The following GARNL3 variants were observed in gnomAD, a reference collection of about 807,000 sequenced individuals.
The protein encoded by GARNL3 is GTPase-activating Rap/Ran-GAP domain-like protein 3.
GARNL3 carries 63 observed loss-of-function variants against 125.0 expected under a neutral mutation model. That is an observed-to-expected ratio of 0.50 (90% CI 0.41 to 0.62). The LOEUF (loss-of-function observed/expected upper bound fraction) is 0.62, where lower values mean the gene tolerates loss of function less well. Among genes scored for constraint, GARNL3 ranks in the 20% least tolerant of loss-of-function variants. GARNL3 has a pLI of 0.00. For missense variants in GARNL3, 994 were observed against 1,244.0 expected, an observed-to-expected ratio of 0.80 and a Z score of 3.02; for synonymous variants, 439 against 457.5, an observed-to-expected ratio of 0.96 and a Z score of 0.52.
intron 2 of GARNL3, among the ~76,000 whole-genome samples, chr9:127,306,536 G>C (rs1352423051): frequency 1.3e-5 from 2 of 151,728 alleles, no homozygotes; most frequent in African/African-American, 4.8e-5. Flanking sequence ...GACCATCCTG[G>C]CTAACACGGT....
Position 127,336,245 on chromosome 9 carries a change from G to A in GARNL3, c.982+9G>A, listed in dbSNP as rs965911187. The A allele has an allele frequency of 9.4e-6, 15 of 1,597,822 alleles. No individual in the cohort carries two copies. Among genetic ancestry groups the A allele is most frequent in the Non-Finnish European group, 1.3e-5 (15 of 1,166,180 alleles). On this transcript the variant is annotated intron_variant, in intron 11 of 27. Coordinates refer to ENST00000373387, the MANE Select transcript of GARNL3 (RefSeq NM_032293.5). ...CCGCTCCCACTTTACACGTATCCTG[G>A]GCCTTTGTAAATGCTCCAGTGTGGC... is the stretch of plus-strand genomic sequence containing the variant.
chr9:127,358,522 GCT>G (rs145506464), intron 21 of GARNL3, among the ~76,000 whole-genome samples: 3,915 of 152,310 alleles, frequency 0.026, 150 homozygotes, highest in East Asian at 0.16. Context: ...TTGTAAATAT[GCT>G]CTGTATAAAT....
upstream of GARNL3, among the ~76,000 whole-genome samples, chr9:127,260,847 T>C (rs1472587361): frequency 2.6e-5 from 4 of 152,220 alleles, no homozygotes; most frequent in Non-Finnish European, 4.4e-5. Flanking sequence ...GAGAGCTGTA[T>C]CAACTAAGAT....
intron 7 of GARNL3, among the ~76,000 whole-genome samples, chr9:127,330,643 C>T (rs1588870430): frequency 6.6e-6 from 1 of 152,096 alleles, no homozygotes; most frequent in East Asian, 1.9e-4. Flanking sequence ...AATAGTGCTT[C>T]GAGGAGAATA....
At chr9:127,374,012 A>C (rs968370856) in intron 22 of GARNL3, among the ~76,000 whole-genome samples, 1 of 152,068 alleles carries the variant, frequency 6.6e-6, no homozygotes, top group South Asian at 2.1e-4. Flanking sequence ...TCTCAAAAAA[A>C]AAAAGGAGGC....
chr9:127,303,345 A>G (rs150829045), intron 2 of GARNL3, among the ~76,000 whole-genome samples: 2 of 152,234 alleles, frequency 1.3e-5, no homozygotes, highest in Non-Finnish European at 2.9e-5. Context: ...ATGTGTGTAT[A>G]AAGTAAACAC....
chr9:127,307,150 G>A (rs2064980037), intron 2 of GARNL3, among the ~76,000 whole-genome samples: 1 of 152,084 alleles, frequency 6.6e-6, no homozygotes, highest in Admixed American at 6.6e-5. Flanking sequence ...GGAAAATAAA[G>A]TTATATTTGT....
chr9:127,282,126 C>G (rs1045323339), intron 1 of GARNL3, among the ~76,000 whole-genome samples: 1 of 152,110 alleles, frequency 6.6e-6, no homozygotes, highest in African/African-American at 2.4e-5. Flanking sequence ...GTCTCTTACT[C>G]CCTCTAGGAT....
chr9:127,311,642 A>C lies in GARNL3; in HGVS notation c.226A>C (p.Thr76Pro), dbSNP rs766207673. The C allele has an allele frequency of 3.1e-6, 5 of 1,613,052 alleles. No individual in the cohort carries two copies. In the East Asian group the frequency reaches 1.1e-4, roughly 36 times the overall value. ...VENGSSDENATALPGTWRRTD... is the reference protein window; with the variant it reads ...VENGSSDENAPALPGTWRRTD... Reference sequence around the variant, plus strand: ...CAACTTTGTTCCATTACAGAATGCAACTGCCCTGCCTGGTACTTGGCGAAG... The same window carrying C: ...CAACTTTGTTCCATTACAGAATGCACCTGCCCTGCCTGGTACTTGGCGAAG... Residue 76 changes from threonine (T) to proline (P), a missense_variant, in exon 3 of 28, where the codon ACT becomes CCT. Thr to Pro is a conservative substitution (Grantham distance 38, BLOSUM62 -1). Around this residue, in one of 5 missense-constraint regions of GARNL3, gnomAD observed 139 missense variants for 231.6 expected, o/e 0.60. Transcript: ENST00000373387.
intron 19 of GARNL3, 33 bp from the exon 20 acceptor site, chr9:127,355,264 C>T (rs1830626557): frequency 5.6e-6 from 9 of 1,598,992 alleles, no homozygotes; most frequent in Non-Finnish European, 7.7e-6. Context: ...ACCCGCATGT[C>T]ATGTGTAAGG....
Position 127,338,006 on chromosome 9 carries a change from T to G in GARNL3, c.983-110T>G, listed in dbSNP as rs1829645507. On this transcript the variant is annotated intron_variant, in intron 11 of 27. Coordinates refer to ENST00000373387, the MANE Select transcript of GARNL3 (RefSeq NM_032293.5). Reference sequence around the variant, plus strand: ...CCCAACCTAAGAGTGATAGGTGCCCTAAGCACAGAAGCGCTGGTCGAGAAT... The same window carrying G: ...CCCAACCTAAGAGTGATAGGTGCCCGAAGCACAGAAGCGCTGGTCGAGAAT... The G allele has an allele frequency of 2.2e-5, 18 of 825,768 alleles. 1 individual carries two copies. The South Asian group carries it at 2.3e-4, about 11-fold the overall frequency. 51.2% of individuals were successfully genotyped at this position (825,768 alleles called of 1,614,324 possible).
Position 127,335,226 on chromosome 9 carries a change from G to T in GARNL3, c.770-4G>T, listed in dbSNP as rs1348345413. ...CTCACTGAATGCATATTTATATTTT[G>T]CAGATGATACCACAGGGATACATTC... is the stretch of plus-strand genomic sequence containing the variant. On this transcript the variant is annotated splice_region_variant and splice_polypyrimidine_tract_variant and intron_variant, in intron 9 of 27. Coordinates refer to ENST00000373387, the MANE Select transcript of GARNL3 (RefSeq NM_032293.5). 6.3e-7 allele frequency: 1 copy of T among 1,597,980 alleles called. No individual in the cohort carries two copies. The highest frequency in any genetic ancestry group is 1.1e-5 in the South Asian group (1 of 90,520).
At chr9:127,254,940 C>G (rs535926030) in intron 2 of GARNL3, among the ~76,000 whole-genome samples, 87 of 152,264 alleles carry the variant, frequency 5.7e-4, no homozygotes, top group Non-Finnish European at 1.0e-3. Flanking sequence ...AAATTAAAGC[C>G]GTACCTCAGT....
intron 1 of GARNL3, among the ~76,000 whole-genome samples, chr9:127,227,677 G>A (rs1199725819): frequency 1.3e-5 from 2 of 152,078 alleles, no homozygotes; most frequent in Non-Finnish European, 2.9e-5. Flanking sequence ...AATGCATTGG[G>A]AGGCTGAGGC....
intron 22 of GARNL3, among the ~76,000 whole-genome samples, chr9:127,370,301 C>T (rs978232647): frequency 6.6e-6 from 1 of 152,162 alleles, no homozygotes; most frequent in African/African-American, 2.4e-5. Flanking sequence ...CTTTCTACAC[C>T]TCTCTCTCCC....
chr9:127,274,437 A>T (rs1476742973), intron 1 of GARNL3, among the ~76,000 whole-genome samples: 1 of 152,298 alleles, frequency 6.6e-6, no homozygotes, highest in East Asian at 1.9e-4. Flanking sequence ...AGACATCAGC[A>T]TGCTCTCTAG....
At chr9:127,240,668 C>T (rs557819526) in intron 1 of GARNL3, among the ~76,000 whole-genome samples, 4 of 152,260 alleles carry the variant, frequency 2.6e-5, no homozygotes, top group East Asian at 1.9e-4. Context: ...TTTGGGAAGT[C>T]GAGGTGGGAG....
chr9:127,245,953 C>T (rs1427104922), intron 2 of GARNL3, among the ~76,000 whole-genome samples: 1 of 152,102 alleles, frequency 6.6e-6, no homozygotes, highest in Non-Finnish European at 1.5e-5. Context: ...CAGGGCTTCT[C>T]GGTGCTGTCC....
At chr9:127,327,933 A>T (rs953192687) in intron 7 of GARNL3, among the ~76,000 whole-genome samples, 1 of 152,252 alleles carries the variant, frequency 6.6e-6, no homozygotes, top group African/African-American at 2.4e-5. Context: ...AGGATTATAT[A>T]TAGCTTTTGT....
Sources: gnomAD v4.1 joint callset for allele counts (sites outside exome capture counted in the v4.1 genomes callset) on GRCh38, gnomAD v4.1.1 for gene constraint, gnomAD v4.1.1 regional missense constraint, MANE v1.5 for transcripts, NCBI Gene and HGNC (gene_info 2026-07-23, HGNC 2026-07-21) for gene names.